The following ST18 variants were observed in gnomAD, a reference collection of about 807,000 sequenced individuals.
ST18 encodes ST18 C2H2C-type zinc finger transcription factor.
ST18 carries 50 observed loss-of-function variants against 110.0 expected under a neutral mutation model. The observed-to-expected ratio is 0.45, with a 90% CI of 0.36 to 0.58. The LOEUF (loss-of-function observed/expected upper bound fraction) is 0.58. ST18 is among the 20% of genes least tolerant of loss of function. The probability of loss-of-function intolerance (pLI) is 0.00; values close to 1 mark genes in which losing one functional copy is unlikely to be tolerated. For missense variants in ST18, 1,306 were observed against 1,280.1 expected, an observed-to-expected ratio of 1.02 and a Z score of -0.31; for synonymous variants, 461 against 452.4, an observed-to-expected ratio of 1.02 and a Z score of -0.24.
At chr8:52,177,537 G>A (rs1375942133) in intron 9 of ST18, among the ~76,000 whole-genome samples, 1 of 152,084 alleles carries the variant, frequency 6.6e-6, no homozygotes, top group Non-Finnish European at 1.5e-5. Context: ...CCTCCTAGGG[G>A]GTGGGGGGTA....
intron 2 of ST18, among the ~76,000 whole-genome samples, chr8:52,330,581 G>A (rs1263449596): frequency 2.0e-5 from 3 of 152,326 alleles, no homozygotes; most frequent in South Asian, 2.1e-4. Flanking sequence ...ATTCTCTATC[G>A]TAAGTCAAGT....
chr8:52,405,750 T>G (rs1590780102), intron 2 of ST18: 1 of 152,132 alleles, frequency 6.6e-6, no homozygotes, highest in South Asian at 2.1e-4. Context: ...AAAAGTAGAT[T>G]CTTAAAAATC....
rs181947191 is a variant in ST18 at position 52,237,793 on chromosome 8, T to C, written c.-464-7716A>G. Among the ~76,000 whole-genome samples, 120 of 152,320 alleles carry C rather than the reference T, an allele frequency of 7.9e-4. No homozygotes were observed. The Middle Eastern group carries it at 0.02, about 26-fold the overall frequency. On this transcript the variant is annotated intron_variant, in intron 2 of 25. Coordinates refer to ENST00000689386, the MANE Select transcript of ST18 (RefSeq NM_001352837.2). Reference sequence around the variant, plus strand: ...TGACCTTTGCTGATTGAAGAAAGGATGCAAAACCATATGCCATAGTGTAAA... The same window carrying C: ...TGACCTTTGCTGATTGAAGAAAGGACGCAAAACCATATGCCATAGTGTAAA...
chr8:52,403,853 T>C (rs934904281), intron 2 of ST18: 5 of 152,174 alleles, frequency 3.3e-5, no homozygotes, highest in Admixed American at 1.3e-4. Flanking sequence ...TAATCATGCC[T>C]TGGTAAATTA....
chr8:52,336,531 C>T (rs1812157685), intron 2 of ST18, among the ~76,000 whole-genome samples: 2 of 152,180 alleles, frequency 1.3e-5, no homozygotes, highest in South Asian at 4.1e-4. Flanking sequence ...TCTGCTCTCC[C>T]ATAGTCGGGA....
At chr8:52,156,840 T>G (rs1197370348) in intron 15 of ST18, among the ~76,000 whole-genome samples, 1 of 152,226 alleles carries the variant, frequency 6.6e-6, no homozygotes, top group Non-Finnish European at 1.5e-5. Context: ...TAGCAACTAC[T>G]ATGCAAAGGA....
At chr8:52,185,238 C>G (rs1245373018) in intron 8 of ST18, among the ~76,000 whole-genome samples, 3 of 151,888 alleles carry the variant, frequency 2.0e-5, no homozygotes, top group Non-Finnish European at 4.4e-5. Context: ...ATGTACAAAC[C>G]TATACACAGT....
At chr8:52,233,100 C>T (rs908142726) in intron 2 of ST18, among the ~76,000 whole-genome samples, 28 of 152,214 alleles carry the variant, frequency 1.8e-4, no homozygotes, top group African/African-American at 6.5e-4. Context: ...AATAATATCA[C>T]AAATAAAAAA....
Position 52,171,858 on chromosome 8 carries a change from G to A in ST18, c.1003C>T (p.Leu335=). Residue 335 remains leucine, a synonymous_variant, in exon 10 of 26, where the codon CTA becomes TTA. Transcript: ENST00000689386. ...TTGGTTTGCCTCCTTTCCCCTGCTA[G>A]GTGCTCCAGCAGGAACCTATCCAGC... ...KELDRFLLEH[L]AGERRQTKVI... is the part of the protein sequence containing the mutation. The A allele has an allele frequency of 1.2e-6, 2 of 1,614,170 alleles. No individual in the cohort carries two copies. Among genetic ancestry groups the A allele is most frequent in the Non-Finnish European group, 8.5e-7 (1 of 1,180,036 alleles).
Position 52,131,965 on chromosome 8 carries a change from G to A in ST18, c.2659C>T (p.His887Tyr). 6.2e-7 allele frequency: 1 copy of A among 1,614,074 alleles called. No individual in the cohort carries two copies. Among genetic ancestry groups the A allele is most frequent in the South Asian group, 1.1e-5 (1 of 91,052 alleles). Residue 887 changes from histidine to tyrosine, a missense_variant, in exon 22 of 26, where the codon CAC (histidine) becomes TAC (tyrosine). Physicochemically the swap from His to Tyr is moderately conservative, Grantham distance 83. Coordinates refer to ENST00000689386, the MANE Select transcript of ST18 (RefSeq NM_001352837.2). Reference sequence around the variant, plus strand: ...ACAGAAAACTCATGTTACCTTCGGTGGGTGACAAAAACATTATTTACATGG... The same window carrying A: ...ACAGAAAACTCATGTTACCTTCGGTAGGTGACAAAAACATTATTTACATGG... ...LGHVNNVFVT[H>Y]RSLSGCPLNA...
intron 25 of ST18, among the ~76,000 whole-genome samples, chr8:52,113,954 G>GTTTTTTTTTTTTTTTTTTTTTTTTTTTT (rs1158213340): frequency 2.2e-5 from 1 of 45,422 alleles, no homozygotes; most frequent in Non-Finnish European, 3.8e-5. Flanking sequence ...TTCATACCGT[G>GTTTTTTTTTTTTTTTTTTTTTTTTTTTT]TTTTTTTTTT....
At chr8:52,310,311 C>T (rs139658061) in intron 2 of ST18, among the ~76,000 whole-genome samples, 1 of 152,252 alleles carries the variant, frequency 6.6e-6, no homozygotes, top group Non-Finnish European at 1.5e-5. Context: ...AAAACAGCAA[C>T]GGTTCCACAG....
chr8:52,128,189 G>A (rs951799471), intron 22 of ST18, among the ~76,000 whole-genome samples: 1 of 152,124 alleles, frequency 6.6e-6, no homozygotes, highest in African/African-American at 2.4e-5. Context: ...GGCTGGACTC[G>A]AACTCCTGAC....
chr8:52,184,072 G>A (rs2134366626), intron 8 of ST18, among the ~76,000 whole-genome samples: 1 of 152,210 alleles, frequency 6.6e-6, no homozygotes, highest in Middle Eastern at 3.4e-3. Flanking sequence ...CTGCAATGAG[G>A]GAAAGCCATG....
chr8:52,116,500 A>T, intron 24 of ST18, 82 bp from the exon 25 acceptor site: 1 of 1,388,242 alleles, frequency 7.2e-7, no homozygotes, highest in Non-Finnish European at 9.9e-7. Flanking sequence ...AAAATGCACC[A>T]AGTGCATCTG....
At chr8:52,377,838 T>C (rs1453524466) in intron 2 of ST18, among the ~76,000 whole-genome samples, 1 of 152,084 alleles carries the variant, frequency 6.6e-6, no homozygotes, top group Non-Finnish European at 1.5e-5. Context: ...TAGCAAAGAC[T>C]AGGAAGCAAA....
At chr8:52,171,755 C>T in intron 10 of ST18, 37 bp downstream of exon 10, 1 of 1,598,966 alleles carries the variant, frequency 6.3e-7, no homozygotes, top group Non-Finnish European at 8.5e-7. Context: ...CCCTAATGCA[C>T]TTTTATTCCT....
intron 2 of ST18, among the ~76,000 whole-genome samples, chr8:52,372,412 G>A (rs1830601648): frequency 6.6e-6 from 1 of 152,102 alleles, no homozygotes; most frequent in African/African-American, 2.4e-5. Context: ...ATTTATTACT[G>A]AAGAGAGAAA....
chr8:52,336,638 C>T (rs547672739), intron 2 of ST18, among the ~76,000 whole-genome samples: 1 of 152,296 alleles, frequency 6.6e-6, no homozygotes, highest in East Asian at 1.9e-4. Flanking sequence ...CATAGGTTTC[C>T]TCTATTCCCA....
Sources: gnomAD v4.1 joint callset for allele counts (sites outside exome capture counted in the v4.1 genomes callset) on GRCh38, gnomAD v4.1.1 for gene constraint, MANE v1.5 for transcripts, NCBI Gene and HGNC (gene_info 2026-07-23, HGNC 2026-07-21) for gene names.